FAM107B: variants seen among roughly 807,000 people sequenced by gnomAD.
FAM107B encodes protein FAM107B.
In FAM107B, 21 loss-of-function variants were observed where a neutral mutation model predicts 31.5. That is an observed-to-expected ratio of 0.67 (90% confidence interval 0.47 to 0.96). FAM107B has a LOEUF of 0.96. Among genes scored for constraint, FAM107B ranks in the 40% least tolerant of loss-of-function variants. The probability of loss-of-function intolerance (pLI) is 0.00; values close to 1 mark genes in which losing one functional copy is unlikely to be tolerated. For synonymous variants in FAM107B, 157 were observed against 141.5 expected, an observed-to-expected ratio of 1.11 and a Z score of -0.78; for missense variants, 452 against 377.1, an observed-to-expected ratio of 1.20 and a Z score of -1.64.
At chr10:14,541,204 G>A (rs1273317129) in intron 2 of FAM107B, among the ~76,000 whole-genome samples, 1 of 152,058 alleles carries the variant, frequency 6.6e-6, no homozygotes, top group Non-Finnish European at 1.5e-5. Context: ...ATCCCCTCCG[G>A]TTGCCTTTCC....
chr10:14,600,037 C>T (rs1045155270), intron 2 of FAM107B, among the ~76,000 whole-genome samples: 1 of 152,140 alleles, frequency 6.6e-6, no homozygotes, highest in African/African-American at 2.4e-5. Flanking sequence ...CATCTCTCTC[C>T]CCGTTTTCCT....
chr10:14,574,830 G>A (rs914459493), intron 2 of FAM107B, among the ~76,000 whole-genome samples: 3 of 152,130 alleles, frequency 2.0e-5, no homozygotes, highest in African/African-American at 7.2e-5. Flanking sequence ...TATGAAGATG[G>A]TGAAATCTCT....
intron 2 of FAM107B, among the ~76,000 whole-genome samples, chr10:14,622,545 T>G (rs1853041069): frequency 6.6e-6 from 1 of 152,144 alleles, no homozygotes. Flanking sequence ...GACCTCGTGA[T>G]CCACCCGCCT....
intron 2 of FAM107B, among the ~76,000 whole-genome samples, chr10:14,591,853 G>T (rs193269627): frequency 1.1e-4 from 16 of 152,142 alleles, no homozygotes; most frequent in Admixed American, 1.0e-3. Flanking sequence ...CTAGTGGGAT[G>T]AGTTTAAAAG....
rs114993005 is a variant in FAM107B at position 14,593,762 on chromosome 10, T to C, written c.470-63247A>G. 2.1e-3 allele frequency among the ~76,000 whole-genome samples: 318 copies of C among 152,236 alleles called. 1 individual carries two copies. Among genetic ancestry groups the C allele is most frequent in the African/African-American group, 7.3e-3 (305 of 41,534 alleles). On this transcript the variant is annotated intron_variant, in intron 2 of 4. Transcript: ENST00000181796. ...ATGTAACCAGCTCTTACCAAGCTAC[T>C]TGAGTGTGTAAGGTGTTTAAAATCT... is the stretch of plus-strand genomic sequence containing the variant.
chr10:14,668,438 C>A (rs746113726), intron 1 of FAM107B, among the ~76,000 whole-genome samples: 2 of 152,082 alleles, frequency 1.3e-5, no homozygotes, highest in Middle Eastern at 3.2e-3. Flanking sequence ...CATGTACTTT[C>A]GAAAGTTCCA....
chr10:14,528,493 T>C (rs565602325), intron 3 of FAM107B, among the ~76,000 whole-genome samples: 2 of 152,300 alleles, frequency 1.3e-5, no homozygotes, highest in East Asian at 3.9e-4. Flanking sequence ...ACTTTAATTT[T>C]TATAAGAAAA....
chr10:14,616,879 G>A lies in FAM107B; in HGVS notation c.469+50755C>T, dbSNP rs148821490. On this transcript the variant is annotated intron_variant, in intron 2 of 4. Coordinates refer to ENST00000181796, the MANE Select transcript of FAM107B (RefSeq NM_031453.4). Reference sequence around the variant, plus strand: ...GGCTGCAGTGAGCCATGATTGTGCCGCTGTACTCCAGCCTGGGTGACACAG... The same window carrying A: ...GGCTGCAGTGAGCCATGATTGTGCCACTGTACTCCAGCCTGGGTGACACAG... Among the ~76,000 whole-genome samples the A allele has an allele frequency of 2.3e-4, 35 of 152,064 alleles. 1 individual carries two copies. In the East Asian group the frequency reaches 5.6e-3, roughly 24 times the overall value.
chr10:14,663,496 G>A (rs567815102), intron 2 of FAM107B: 1 of 152,334 alleles, frequency 6.6e-6, no homozygotes, highest in Admixed American at 6.5e-5. Flanking sequence ...GTCGTAGACG[G>A]TAAACTTCAT....
At chr10:14,757,572 A>G (rs1832955885) in intron 1 of FAM107B, among the ~76,000 whole-genome samples, 2 of 152,174 alleles carry the variant, frequency 1.3e-5, no homozygotes, top group Admixed American at 6.6e-5. Context: ...GAAAGTTGAG[A>G]GATTGAGAGG....
chr10:14,652,813 AC>A (rs1306554016), intron 2 of FAM107B: 3 of 152,236 alleles, frequency 2.0e-5, no homozygotes. Flanking sequence ...AACTCAGGAC[AC>A]CACCAGTGGA....
chr10:14,645,673 A>G (rs1009035148), intron 2 of FAM107B, among the ~76,000 whole-genome samples: 4 of 152,174 alleles, frequency 2.6e-5, no homozygotes, highest in Non-Finnish European at 5.9e-5. Context: ...TTACAAGTGG[A>G]AAATAATGCC....
In FAM107B at chr10:14,749,654, C is replaced by T. The variant is rs139130430; in HGVS notation, c.411+24599G>A. ...CAGAGATGGGAACCGAGCCAGCAGC[C>T]CAGGAGCTGCTTATTCCATATCCCT... On this transcript the variant is annotated intron_variant, in intron 1 of 4. Transcript: ENST00000181796. Among the ~76,000 whole-genome samples the T allele has an allele frequency of 3.3e-3, 502 of 152,258 alleles. 1 individual carries two copies. Among genetic ancestry groups the T allele is most frequent in the African/African-American group, 0.011 (468 of 41,544 alleles).
At chr10:14,685,357 C>T (rs1365580867) in intron 1 of FAM107B, among the ~76,000 whole-genome samples, 1 of 151,988 alleles carries the variant, frequency 6.6e-6, no homozygotes, top group African/African-American at 2.4e-5. Flanking sequence ...CTATGTTGCC[C>T]AGACTGACCT....
rs533356029 is a variant in FAM107B at position 14,614,151 on chromosome 10, T to A, written c.469+53483A>T. On this transcript the variant is annotated intron_variant, in intron 2 of 4. Coordinates refer to ENST00000181796, the MANE Select transcript of FAM107B (RefSeq NM_031453.4). ...ATCTCAATAAATAAATAAATACAAT[T>A]TGAACTTGCTTCTTTCTTTCCCCCT... 2.0e-5 allele frequency among the ~76,000 whole-genome samples: 3 copies of A among 151,912 alleles called. No individual in the cohort carries two copies. In the South Asian group the frequency reaches 6.3e-4, roughly 32 times the overall value.
intron 1 of FAM107B, among the ~76,000 whole-genome samples, chr10:14,693,571 C>A (rs1487163744): frequency 1.3e-5 from 2 of 152,038 alleles, no homozygotes; most frequent in Non-Finnish European, 2.9e-5. Flanking sequence ...TCCATTACCT[C>A]ACATAGTTAC....
At chr10:14,766,693 T>C (rs1400594857) in intron 1 of FAM107B, among the ~76,000 whole-genome samples, 1 of 151,872 alleles carries the variant, frequency 6.6e-6, no homozygotes, top group Non-Finnish European at 1.5e-5. Flanking sequence ...GTGGTACTTA[T>C]AATGGCCATA....
chr10:14,622,613 G>T (rs1254235164), intron 2 of FAM107B, among the ~76,000 whole-genome samples: 2 of 152,112 alleles, frequency 1.3e-5, no homozygotes, highest in African/African-American at 4.8e-5. Flanking sequence ...GCCAGAGAGA[G>T]AAAGTCAGAA....
intron 2 of FAM107B, among the ~76,000 whole-genome samples, chr10:14,572,710 A>AC (rs1851306751): frequency 7.2e-6 from 1 of 139,580 alleles, no homozygotes; most frequent in Admixed American, 7.2e-5. Context: ...TAACACAGAG[A>AC]CCCCATCTCT....
Sources: gnomAD v4.1 joint callset for allele counts (sites outside exome capture counted in the v4.1 genomes callset) on GRCh38, gnomAD v4.1.1 for gene constraint, MANE v1.5 for transcripts, NCBI Gene and HGNC (gene_info 2026-07-23, HGNC 2026-07-21) for gene names.